The following MTHFS variants were observed in gnomAD, a reference collection of about 807,000 sequenced individuals.
MTHFS encodes the protein methenyltetrahydrofolate synthetase.
MTHFS carries 7 observed loss-of-function variants against 12.7 expected under a neutral mutation model. The ratio of observed to expected loss-of-function variants is 0.55; its 90% CI spans 0.31 to 1.03. The LOEUF is 1.03. MTHFS is among the 50% of genes least tolerant of loss of function. The pLI, the probability that MTHFS is intolerant of heterozygous loss-of-function variation, is 0.05. For synonymous variants in MTHFS, 100 were observed against 97.1 expected (o/e 1.03, Z -0.18); for missense variants, 252 against 258.1 (o/e 0.98, Z 0.16).
intron 2 of MTHFS, among the ~76,000 whole-genome samples, chr15:79,849,048 T>G (rs2033666931): frequency 6.6e-6 from 1 of 152,172 alleles, no homozygotes; most frequent in Non-Finnish European, 1.5e-5. Context: ...CAAAATGAGT[T>G]TTACACTTGA....
intron 2 of MTHFS, among the ~76,000 whole-genome samples, chr15:79,856,694 A>C (rs1024948402): frequency 3.3e-5 from 5 of 152,206 alleles, no homozygotes; most frequent in African/African-American, 1.2e-4. Flanking sequence ...TTGCACAGCA[A>C]TGTGAATATA....
At chr15:79,893,521 A>AC (rs1231416710) in intron 1 of MTHFS, among the ~76,000 whole-genome samples, 1 of 151,636 alleles carries the variant, frequency 6.6e-6, no homozygotes, top group African/African-American at 2.4e-5. Context: ...ACACGGTGAA[A>AC]CCCCATCTCT....
intron 2 of MTHFS, among the ~76,000 whole-genome samples, chr15:79,848,359 G>A (rs946377887): frequency 5.3e-5 from 8 of 152,218 alleles, no homozygotes; most frequent in African/African-American, 1.9e-4. Flanking sequence ...GGGAGACAGA[G>A]AGTTGCCATT....
chr15:79,879,628 A>C (rs2034263076), intron 2 of MTHFS, among the ~76,000 whole-genome samples: 1 of 152,138 alleles, frequency 6.6e-6, no homozygotes, highest in Non-Finnish European at 1.5e-5. Flanking sequence ...TAAAATGTTG[A>C]AGTAAAATTA....
At chr15:79,896,697 T>A (rs1221800774) in intron 1 of MTHFS, 175 bp downstream of exon 1, 3 of 1,197,890 alleles carry the variant, frequency 2.5e-6, no homozygotes, top group Non-Finnish European at 3.3e-6. Flanking sequence ...GCCAAGAGCG[T>A]CCAGACCACG....
chr15:79,890,174 C>T (rs559014875), intron 1 of MTHFS, among the ~76,000 whole-genome samples: 1 of 150,712 alleles, frequency 6.6e-6, no homozygotes, highest in Admixed American at 6.6e-5. Flanking sequence ...AACTTATCCA[C>T]ACTCAGAAGT....
At chr15:79,860,976 G>A (rs1381387999) in intron 2 of MTHFS, among the ~76,000 whole-genome samples, 1 of 152,092 alleles carries the variant, frequency 6.6e-6, no homozygotes, top group Non-Finnish European at 1.5e-5. Flanking sequence ...TCTCCATCTT[G>A]TGTTCCCAGA....
chr15:79,850,529 T>C (rs1002208782), intron 2 of MTHFS, among the ~76,000 whole-genome samples: 5 of 152,156 alleles, frequency 3.3e-5, no homozygotes, highest in African/African-American at 1.2e-4. Flanking sequence ...CCTGATAACA[T>C]GTTATTTACA....
intron 2 of MTHFS, among the ~76,000 whole-genome samples, chr15:79,858,867 C>T (rs781559862): frequency 1.4e-4 from 22 of 152,236 alleles, no homozygotes; most frequent in Middle Eastern, 6.8e-3. Flanking sequence ...ACTTCAGAAA[C>T]GTCTGTTTCC....
intron 2 of MTHFS, among the ~76,000 whole-genome samples, chr15:79,875,585 T>G (rs2034180234): frequency 6.6e-6 from 1 of 151,880 alleles, no homozygotes; most frequent in Non-Finnish European, 1.5e-5. Context: ...TCAAAATACA[T>G]CAAAGACCTA....
At chr15:79,868,818 T>C (rs761451729) in intron 2 of MTHFS, among the ~76,000 whole-genome samples, 1 of 152,240 alleles carries the variant, frequency 6.6e-6, no homozygotes, top group Non-Finnish European at 1.5e-5. Context: ...TTGAGACTTC[T>C]AGGCCTCCAC....
At chr15:79,883,533 C>G (rs77892895) in intron 2 of MTHFS, among the ~76,000 whole-genome samples, 10 of 152,080 alleles carry the variant, frequency 6.6e-5, no homozygotes, top group African/African-American at 2.2e-4. Context: ...TGCTAATATA[C>G]GTAAAGTGCC....
At chr15:79,853,456 T>TCTC (rs35241257) in intron 2 of MTHFS, among the ~76,000 whole-genome samples, 46,934 of 151,818 alleles carry the variant, frequency 0.31, 7,747 homozygotes, top group African/African-American at 0.43. Flanking sequence ...CCCAATTTCT[T>TCTC]CTTCAGATAA....
intron 2 of MTHFS, among the ~76,000 whole-genome samples, chr15:79,888,724 G>A (rs2034422505): frequency 6.6e-6 from 1 of 152,220 alleles, no homozygotes; most frequent in African/African-American, 2.4e-5. Context: ...CATGTACTGA[G>A]ATAAACACAT....
intron 2 of MTHFS, chr15:79,878,013 T>C (rs1596076236): frequency 6.6e-6 from 1 of 152,018 alleles, no homozygotes; most frequent in East Asian, 1.9e-4. Context: ...AAGAAAATCC[T>C]TTGGGCCAAA....
chr15:79,887,064 A>G (rs533200913), intron 2 of MTHFS, among the ~76,000 whole-genome samples: 2 of 152,252 alleles, frequency 1.3e-5, no homozygotes, highest in Admixed American at 1.3e-4. Context: ...GTGAAACCCC[A>G]TCTCTATTAA....
intron 2 of MTHFS, among the ~76,000 whole-genome samples, chr15:79,870,270 GT>G (rs950999310): frequency 1.3e-5 from 2 of 152,284 alleles, no homozygotes; most frequent in South Asian, 4.1e-4. Flanking sequence ...TCTGTTGCCT[GT>G]TTTTGTAAAT....
At chr15:79,851,331 A>G (rs1473962412) in intron 2 of MTHFS, among the ~76,000 whole-genome samples, 4 of 152,168 alleles carry the variant, frequency 2.6e-5, no homozygotes, top group African/African-American at 7.2e-5. Context: ...GTCTTTCCCC[A>G]GAGAATTTGA....
At position 79,843,628 on chromosome 15, in the gene MTHFS, A is replaced by G. The variant is rs2033558370; in HGVS notation, c.*1582T>C. On this transcript the variant is annotated 3_prime_UTR_variant, in exon 3 of 3. Coordinates refer to ENST00000258874, the MANE Select transcript of MTHFS (RefSeq NM_006441.4). ...AAAGAATAATGGATGAGTATTTTGA[A>G]TGAAACACTTCCAATGTATTCAATT... The G allele has an allele frequency of 6.6e-6, 1 of 152,222 alleles. No individual in the cohort carries two copies. Among genetic ancestry groups the G allele is most frequent in the South Asian group, 2.1e-4 (1 of 4,834 alleles). The allele number at this position is 152,222 out of a possible 1,614,324, so 9.4% of individuals were successfully genotyped here.
Sources: allele counts gnomAD v4.1 joint callset (sites outside exome capture counted in the v4.1 genomes callset), GRCh38; gene constraint gnomAD v4.1.1; transcripts MANE v1.5; gene names NCBI Gene and HGNC (gene_info 2026-07-23, HGNC 2026-07-21).